RBFOX1: variants seen among roughly 807,000 people sequenced by gnomAD.
The protein encoded by RBFOX1 is RNA binding protein fox-1 homolog 1.
A neutral mutation model predicts 57.7 loss-of-function variants in RBFOX1; 8 were observed. That is an observed-to-expected ratio of 0.14 (90% CI 0.08 to 0.25). The LOEUF is 0.25. Among genes scored for constraint, RBFOX1 ranks in the 10% least tolerant of loss-of-function variants. RBFOX1 has a pLI of 1.00. For missense variants in RBFOX1, 611 were observed against 548.5 expected, an observed-to-expected ratio of 1.11 and a Z score of -1.14; for synonymous variants, 326 against 222.4, an observed-to-expected ratio of 1.47 and a Z score of -4.15.
intron 2 of RBFOX1, among the ~76,000 whole-genome samples, chr16:6,336,179 ATATTTTTTTTTTTTTTTTT>A (rs2083704516): frequency 4.0e-5 from 1 of 25,014 alleles, no homozygotes. Flanking sequence ...ATATATATAT[ATATTTTTTTTTTTTTTTTT>A]TTTTTTTTTT....
intron 3 of RBFOX1, among the ~76,000 whole-genome samples, chr16:5,815,995 C>T (rs79997438): frequency 2.0e-5 from 3 of 152,154 alleles, no homozygotes; most frequent in Non-Finnish European, 2.9e-5. Flanking sequence ...AGGTATACAA[C>T]CCTTGGGATT....
chr16:7,001,394 GT>G (rs1367593080), intron 3 of RBFOX1, among the ~76,000 whole-genome samples: 1 of 108,482 alleles, frequency 9.2e-6, no homozygotes, highest in Non-Finnish European at 1.6e-5. Context: ...ATGTGTATGT[GT>G]ATTTGTATAT....
chr16:5,343,296 A>C (rs1038057884), intron 1 of RBFOX1, among the ~76,000 whole-genome samples: 2 of 104,124 alleles, frequency 1.9e-5, no homozygotes, highest in Non-Finnish European at 3.9e-5. Context: ...CACTTCTTTG[A>C]AGTTTTTTTT....
intron 4 of RBFOX1, among the ~76,000 whole-genome samples, chr16:5,952,050 T>A (rs549357710): frequency 3.2e-4 from 48 of 151,084 alleles, no homozygotes; most frequent in African/African-American, 9.7e-4. Context: ...CATACACATA[T>A]ATACACACAC....
intron 5 of RBFOX1, among the ~76,000 whole-genome samples, chr16:7,568,339 C>G (rs1360719828): frequency 1.3e-5 from 2 of 152,128 alleles, no homozygotes; most frequent in African/African-American, 4.8e-5. Context: ...GGGTTCCTCC[C>G]TCTTTTAGAC....
intron 3 of RBFOX1, among the ~76,000 whole-genome samples, chr16:6,796,780 C>G (rs1603625557): frequency 6.6e-6 from 1 of 152,156 alleles, no homozygotes; most frequent in Non-Finnish European, 1.5e-5. Flanking sequence ...TGCCTTCCAA[C>G]TTCTTCTATG....
chr16:7,694,257 C>G (rs2078097808), intron 14 of RBFOX1, among the ~76,000 whole-genome samples: 1 of 152,162 alleles, frequency 6.6e-6, no homozygotes, highest in Non-Finnish European at 1.5e-5. Context: ...CATCCCATGA[C>G]CTTCAGACAC....
intron 1 of RBFOX1, among the ~76,000 whole-genome samples, chr16:5,361,727 C>A (rs2065557380): frequency 6.6e-6 from 1 of 152,220 alleles, no homozygotes; most frequent in African/African-American, 2.4e-5. Flanking sequence ...CTGCAAGGCT[C>A]CTCCACTTTG....
At chr16:6,274,933 G>C (rs1354097007) in intron 1 of RBFOX1, among the ~76,000 whole-genome samples, 1 of 152,176 alleles carries the variant, frequency 6.6e-6, no homozygotes, top group Non-Finnish European at 1.5e-5. Context: ...TAGTGGAAAA[G>C]CATTCTGGAC....
chr16:6,952,071 C>T (rs907422605), intron 3 of RBFOX1, among the ~76,000 whole-genome samples: 1 of 152,170 alleles, frequency 6.6e-6, no homozygotes, highest in South Asian at 2.1e-4. Context: ...TGATCAGATA[C>T]ATGTACCTTT....
chr16:7,216,648 A>T (rs1017806107), intron 4 of RBFOX1, among the ~76,000 whole-genome samples: 1 of 146,040 alleles, frequency 6.8e-6, no homozygotes, highest in East Asian at 2.3e-4. Flanking sequence ...ACAGAGTGAG[A>T]CTCCGTCAAA....
chr16:7,643,548 CT>C (rs1263676579), intron 11 of RBFOX1, among the ~76,000 whole-genome samples: 2 of 152,184 alleles, frequency 1.3e-5, no homozygotes, highest in East Asian at 3.8e-4. Context: ...TTGTAAGGAG[CT>C]CATCATTGTG....
At chr16:7,008,424 C>G (rs2093424451) in intron 3 of RBFOX1, among the ~76,000 whole-genome samples, 1 of 151,974 alleles carries the variant, frequency 6.6e-6, no homozygotes, top group South Asian at 2.1e-4. Context: ...TCTGTAATTC[C>G]AGACACTCAG....
chr16:5,292,005 T>A (rs115448953), intron 1 of RBFOX1, among the ~76,000 whole-genome samples: 2,929 of 152,256 alleles, frequency 0.019, 36 homozygotes, highest in Middle Eastern at 0.065. Context: ...CTTTTTTTTT[T>A]TTTCAACAGC....
At chr16:5,266,462 G>C (rs2062860581) in intron 1 of RBFOX1, among the ~76,000 whole-genome samples, 2 of 152,050 alleles carry the variant, frequency 1.3e-5, no homozygotes, top group South Asian at 4.1e-4. Context: ...GGGGTTAGTA[G>C]AGATGGAAGA....
At chr16:6,188,172 A>C (rs1337683508) in intron 1 of RBFOX1, among the ~76,000 whole-genome samples, 1 of 152,176 alleles carries the variant, frequency 6.6e-6, no homozygotes, top group Non-Finnish European at 1.5e-5. Flanking sequence ...CAGTTGGATA[A>C]AAAATCCATA....
At chr16:6,835,803 A>G (rs1189343737) in intron 3 of RBFOX1, among the ~76,000 whole-genome samples, 4 of 150,658 alleles carry the variant, frequency 2.7e-5, no homozygotes, top group Admixed American at 1.3e-4. Flanking sequence ...GTGTAGCTCT[A>G]AATCGGTGTC....
chr16:7,544,994 A>G (rs146369623), intron 5 of RBFOX1, among the ~76,000 whole-genome samples: 1 of 152,204 alleles, frequency 6.6e-6, no homozygotes, highest in Non-Finnish European at 1.5e-5. Context: ...GAATGAGTGA[A>G]CAGAGCTGTT....
intron 3 of RBFOX1, among the ~76,000 whole-genome samples, chr16:6,955,877 T>G (rs72774228): frequency 0.22 from 33,545 of 151,788 alleles, 3,778 homozygotes; most frequent in Middle Eastern, 0.32. Context: ...AGCTAAATTT[T>G]GTAATTTTAG....
Sources: gnomAD v4.1 joint callset for allele counts (sites outside exome capture counted in the v4.1 genomes callset) on GRCh38, gnomAD v4.1.1 for gene constraint, MANE v1.5 for transcripts, NCBI Gene and HGNC (gene_info 2026-07-23, HGNC 2026-07-21) for gene names.